The following MDFIC2 variants were observed in gnomAD, a reference collection of about 807,000 sequenced individuals.
MDFIC2 encodes the protein myoD family inhibitor domain-containing protein 2.
chr3:70,230,711 G>A (rs921677031), intron 2 of MDFIC2, among the ~76,000 whole-genome samples: 2 of 152,212 alleles, frequency 1.3e-5, no homozygotes, highest in Admixed American at 6.5e-5. Context: ...TCCTCTGTAA[G>A]TGGTGGTTTG....
intron 2 of MDFIC2, among the ~76,000 whole-genome samples, chr3:70,282,090 A>C (rs2106682753): frequency 6.6e-6 from 1 of 152,240 alleles, no homozygotes; most frequent in African/African-American, 2.4e-5. Flanking sequence ...CCAGGGAAGA[A>C]GGCTTTTTTA....
At chr3:70,299,625 A>G (rs7634433) in intron 2 of MDFIC2, among the ~76,000 whole-genome samples, 31,551 of 151,970 alleles carry the variant, frequency 0.21, 3,458 homozygotes, top group South Asian at 0.28. Context: ...CATTGCCCTG[A>G]AAACCAATAT....
At chr3:70,238,249 C>T (rs1038724529) in intron 2 of MDFIC2, among the ~76,000 whole-genome samples, 1 of 151,746 alleles carries the variant, frequency 6.6e-6, no homozygotes, top group Admixed American at 6.6e-5. Context: ...TTCTCTCCTT[C>T]TATGTAAGGT....
chr3:70,258,749 TAACA>T (rs1701840366), intron 2 of MDFIC2, among the ~76,000 whole-genome samples: 1 of 152,064 alleles, frequency 6.6e-6, no homozygotes, highest in Admixed American at 6.6e-5. Context: ...ATTATAAAAA[TAACA>T]AACAATAGGG....
intron 2 of MDFIC2, among the ~76,000 whole-genome samples, chr3:70,238,049 T>G (rs1449380799): frequency 7.5e-6 from 1 of 132,638 alleles, no homozygotes; most frequent in Non-Finnish European, 1.6e-5. Context: ...CTGTACTTTA[T>G]AGTGACGAAC....
At chr3:70,254,152 C>CA (rs11375266) in intron 2 of MDFIC2, among the ~76,000 whole-genome samples, 136,435 of 151,770 alleles carry the variant, frequency 0.9, 61,285 homozygotes, top group Admixed American at 0.92. Flanking sequence ...TCCAATTACA[C>CA]AAAAAAAATT....
chr3:70,239,714 T>A (rs925750738), intron 2 of MDFIC2, among the ~76,000 whole-genome samples: 8 of 152,122 alleles, frequency 5.3e-5, no homozygotes, highest in African/African-American at 1.7e-4. Context: ...TCTCTCCTGG[T>A]AAGTGCTTCC....
At chr3:70,224,531 G>A (rs1193640807) in intron 2 of MDFIC2, among the ~76,000 whole-genome samples, 1 of 152,158 alleles carries the variant, frequency 6.6e-6, no homozygotes, top group Non-Finnish European at 1.5e-5. Context: ...GCACCCTGCA[G>A]AGGATACATT....
intron 2 of MDFIC2, among the ~76,000 whole-genome samples, chr3:70,213,528 G>A (rs1440589372): frequency 6.6e-6 from 1 of 151,998 alleles, no homozygotes; most frequent in Non-Finnish European, 1.5e-5. Flanking sequence ...AGTTATCCGT[G>A]GCTGAAATCA....
chr3:70,250,408 A>ATC (rs71674617), intron 2 of MDFIC2, among the ~76,000 whole-genome samples: 1 of 110,054 alleles, frequency 9.1e-6, no homozygotes, highest in African/African-American at 3.9e-5. Flanking sequence ...CTTTTAATGA[A>ATC]TCTCACACAC....
chr3:70,218,662 A>T (rs1398117356), intron 2 of MDFIC2, among the ~76,000 whole-genome samples: 1 of 152,120 alleles, frequency 6.6e-6, no homozygotes, highest in Non-Finnish European at 1.5e-5. Flanking sequence ...CTCCCAGCAG[A>T]ACTATTCCTG....
At chr3:70,249,279 A>G (rs1487897532) in intron 2 of MDFIC2, 1 of 152,110 alleles carries the variant, frequency 6.6e-6, no homozygotes, top group African/African-American at 2.4e-5. Flanking sequence ...TCATTCATTC[A>G]CAATTTATGT....
At chr3:70,266,354 A>AT (rs1352854101) in intron 2 of MDFIC2, among the ~76,000 whole-genome samples, 1 of 152,048 alleles carries the variant, frequency 6.6e-6, no homozygotes, top group Non-Finnish European at 1.5e-5. Context: ...AAATATAAAC[A>AT]TTTTGGGGCA....
chr3:70,307,805 AC>A (rs1428651907), intron 2 of MDFIC2, among the ~76,000 whole-genome samples: 49 of 152,238 alleles, frequency 3.2e-4, no homozygotes, highest in African/African-American at 1.1e-3. Flanking sequence ...AATGTCCACT[AC>A]TTAACCTACA....
In MDFIC2 at chr3:70,305,703, A is replaced by C. The variant is rs148295545; in HGVS notation, c.88+6183T>G. Among the ~76,000 whole-genome samples, 204 of 152,324 alleles carry C rather than the reference A, an allele frequency of 1.3e-3. 1 individual carries two copies. Among genetic ancestry groups the C allele is most frequent in the African/African-American group, 4.8e-3 (198 of 41,576 alleles). On this transcript the variant is annotated intron_variant, in intron 2 of 3. Coordinates refer to ENST00000567252, the MANE Select transcript of MDFIC2 (RefSeq NM_001364677.1). ...GAATTCTATTAATGTTCATGATCCA[A>C]AATTATTTTTTGAGGAAATGAAGTA... is the stretch of plus-strand genomic sequence containing the variant.
At chr3:70,259,559 A>G (rs1300260271) in intron 2 of MDFIC2, among the ~76,000 whole-genome samples, 1 of 152,038 alleles carries the variant, frequency 6.6e-6, no homozygotes, top group Non-Finnish European at 1.5e-5. Flanking sequence ...TTTCTGGATT[A>G]CCCCTCTGTG....
chr3:70,247,685 T>C (rs993933146), intron 2 of MDFIC2, among the ~76,000 whole-genome samples: 1 of 151,974 alleles, frequency 6.6e-6, no homozygotes, highest in African/African-American at 2.4e-5. Context: ...TCATTATCAT[T>C]GGTTTTGTTT....
chr3:70,294,419 G>A (rs1039743192), intron 2 of MDFIC2, among the ~76,000 whole-genome samples: 1 of 151,964 alleles, frequency 6.6e-6, no homozygotes, highest in Non-Finnish European at 1.5e-5. Flanking sequence ...TAGGTACGTA[G>A]GAGAATATAG....
At chr3:70,264,594 T>C (rs115753144) in intron 2 of MDFIC2, among the ~76,000 whole-genome samples, 1,672 of 152,358 alleles carry the variant, frequency 0.011, 18 homozygotes, top group Middle Eastern at 0.027. Context: ...CATCAGGCCA[T>C]ATACTAAGTC....
Sources: allele counts gnomAD v4.1 joint callset (sites outside exome capture counted in the v4.1 genomes callset), GRCh38; gene constraint gnomAD v4.1.1; transcripts MANE v1.5; gene names NCBI Gene and HGNC (gene_info 2026-07-23, HGNC 2026-07-21).